The following DACH2 variants were observed in gnomAD, a reference collection of about 807,000 sequenced individuals.
The protein encoded by DACH2 is dachshund family transcription factor 2, also known as dachshund homolog 2.
DACH2 carries 17 observed loss-of-function variants against 35.8 expected under a neutral mutation model. That is an observed-to-expected ratio of 0.48 (90% CI 0.33 to 0.71). The LOEUF (loss-of-function observed/expected upper bound fraction) is 0.71, where lower values mean the gene tolerates loss of function less well. Ranked by LOEUF, DACH2 falls within the 30% of genes least tolerant of loss-of-function variation. The pLI is 0.02. For missense variants in DACH2, 469 were observed against 472.7 expected (o/e 0.99, Z 0.07); for synonymous variants, 195 against 177.3 (o/e 1.10, Z -0.79).
intron 3 of DACH2, among the ~76,000 whole-genome samples, chrX:86,592,599 A>G (rs2039661309): frequency 8.9e-6 from 1 of 112,269 alleles, no homozygotes; most frequent in Non-Finnish European, 1.9e-5. Context: ...TTGAATGTAT[A>G]CATCAAGTTA....
intron 2 of DACH2, among the ~76,000 whole-genome samples, chrX:86,415,068 A>G (rs2036680239): frequency 8.9e-6 from 1 of 111,880 alleles, no homozygotes; most frequent in Non-Finnish European, 1.9e-5. Context: ...ATGCAGCTAT[A>G]TGGCTTTGAC....
intron 6 of DACH2, among the ~76,000 whole-genome samples, chrX:86,737,307 C>T (rs1165982696): frequency 9.0e-6 from 1 of 111,013 alleles, no homozygotes; most frequent in Non-Finnish European, 1.9e-5. Context: ...TTCCTGCAGA[C>T]TAAATATAAA....
intron 1 of DACH2, among the ~76,000 whole-genome samples, chrX:86,334,628 G>T (rs1462472914): frequency 8.9e-6 from 1 of 111,913 alleles, no homozygotes; most frequent in Non-Finnish European, 1.9e-5. Flanking sequence ...TGGTAAATTT[G>T]TTTAAGTTCT....
chrX:86,470,200 T>A (rs868677069), intron 2 of DACH2, among the ~76,000 whole-genome samples: 3 of 111,738 alleles, frequency 2.7e-5, no homozygotes, highest in Non-Finnish European at 3.8e-5. Flanking sequence ...TTCCTTAAAC[T>A]TGTAATTTAG....
At chrX:86,460,850 A>C (rs2037559998) in intron 2 of DACH2, among the ~76,000 whole-genome samples, 1 of 111,070 alleles carries the variant, frequency 9.0e-6, no homozygotes, top group African/African-American at 3.3e-5. Flanking sequence ...AAAATTAAAA[A>C]AAAGTGAGAC....
At chrX:86,290,704 C>G (rs1477948388) in intron 1 of DACH2, among the ~76,000 whole-genome samples, 4 of 100,959 alleles carry the variant, frequency 4.0e-5, no homozygotes, top group South Asian at 1.0e-3. Flanking sequence ...GCTTGTTTTT[C>G]TCAGGTTTGT....
chrX:86,497,986 T>A (rs181172419), intron 2 of DACH2, among the ~76,000 whole-genome samples: 16 of 110,884 alleles, frequency 1.4e-4, no homozygotes. Context: ...AGAGTGAGAC[T>A]GTCTTTCAAA....
chrX:86,429,718 A>G (rs984428430), intron 2 of DACH2, among the ~76,000 whole-genome samples: 17 of 109,705 alleles, frequency 1.5e-4, no homozygotes, highest in Admixed American at 9.8e-4. Context: ...GTGCACCAGG[A>G]CACCCAGCTA....
chrX:86,369,303 T>C (rs1013207058), intron 1 of DACH2, among the ~76,000 whole-genome samples: 2 of 111,616 alleles, frequency 1.8e-5, no homozygotes, highest in African/African-American at 3.2e-5. Context: ...AAAATACATT[T>C]ATTTATCTTA....
At chrX:86,245,505 AC>A (rs2033261073) in intron 1 of DACH2, among the ~76,000 whole-genome samples, 1 of 111,941 alleles carries the variant, frequency 8.9e-6, no homozygotes, top group Non-Finnish European at 1.9e-5. Context: ...GGACCAGAGA[AC>A]AAATTCATGG....
intron 7 of DACH2, among the ~76,000 whole-genome samples, chrX:86,777,395 C>A (rs1241855031): frequency 9.0e-6 from 1 of 110,786 alleles, no homozygotes; most frequent in Non-Finnish European, 1.9e-5. Context: ...CTTGTCCCTG[C>A]ACATCAAAAA....
chrX:86,357,209 G>T (rs1468869346), intron 1 of DACH2, among the ~76,000 whole-genome samples: 2 of 112,132 alleles, frequency 1.8e-5, no homozygotes, highest in Non-Finnish European at 3.8e-5. Flanking sequence ...ACTTGAAATG[G>T]TCCTCTGAGT....
At chrX:86,423,326 A>AT (rs1406441291) in intron 2 of DACH2, among the ~76,000 whole-genome samples, 3 of 110,595 alleles carry the variant, frequency 2.7e-5, no homozygotes, top group Non-Finnish European at 5.7e-5. Flanking sequence ...CCTGACCACC[A>AT]TTTTTTATTG....
intron 2 of DACH2, among the ~76,000 whole-genome samples, chrX:86,390,070 T>G (rs1240801082): frequency 9.0e-6 from 1 of 111,613 alleles, no homozygotes; most frequent in Non-Finnish European, 1.9e-5. Flanking sequence ...GTGAAAAGTT[T>G]CCAAGATGAC....
intron 1 of DACH2, among the ~76,000 whole-genome samples, chrX:86,269,685 C>T (rs1296049025): frequency 2.7e-5 from 3 of 111,118 alleles, no homozygotes; most frequent in Non-Finnish European, 3.8e-5. Flanking sequence ...TGACTAGGTA[C>T]ATTATTTACC....
intron 7 of DACH2, among the ~76,000 whole-genome samples, chrX:86,781,034 T>C (rs2042084633): frequency 9.0e-6 from 1 of 111,505 alleles, no homozygotes; most frequent in Non-Finnish European, 1.9e-5. Context: ...ACTCAGTGTT[T>C]CAGCTTCATC....
chrX:86,369,046 CAA>C (rs925099723), intron 1 of DACH2, among the ~76,000 whole-genome samples: 1 of 110,668 alleles, frequency 9.0e-6, no homozygotes, highest in Admixed American at 9.7e-5. Context: ...TATGAAGATT[CAA>C]ACTTACTTTT....
chrX:86,212,903 C>G (rs1363076014), intron 1 of DACH2, among the ~76,000 whole-genome samples: 5 of 111,249 alleles, frequency 4.5e-5, no homozygotes, highest in Non-Finnish European at 9.5e-5. Flanking sequence ...GCACAAAAGT[C>G]AGTGCCTTCC....
chrX:86,263,563 T>G (rs2033664048), intron 1 of DACH2, among the ~76,000 whole-genome samples: 1 of 111,917 alleles, frequency 8.9e-6, no homozygotes, highest in African/African-American at 3.2e-5. Flanking sequence ...AGGTTTTTCT[T>G]TTTAAAGAAA....
Sources: gnomAD v4.1 joint callset for allele counts (sites outside exome capture counted in the v4.1 genomes callset) on GRCh38, gnomAD v4.1.1 for gene constraint, MANE v1.5 for transcripts, NCBI Gene and HGNC (gene_info 2026-07-23, HGNC 2026-07-21) for gene names.